Variants in PCDH11X observed in about 807,000 individuals in gnomAD.
The protein encoded by PCDH11X is protocadherin-11 X-linked.
PCDH11X carries 18 observed loss-of-function variants against 53.3 expected under a neutral mutation model. That is an observed-to-expected ratio of 0.34 (90% CI 0.23 to 0.50). The LOEUF is 0.50. Among genes scored for constraint, PCDH11X ranks in the 20% least tolerant of loss-of-function variants. The probability of loss-of-function intolerance (pLI) is 0.98; values close to 1 mark genes in which losing one functional copy is unlikely to be tolerated. For missense variants in PCDH11X, 570 were observed against 1,032.4 expected (o/e 0.55, Z 6.14); for synonymous variants, 279 against 393.3 (o/e 0.71, Z 3.44).
chrX:91,860,051 C>G (rs1177337099), intron 5 of PCDH11X, among the ~76,000 whole-genome samples: 3 of 108,794 alleles, frequency 2.8e-5, no homozygotes, highest in Non-Finnish European at 5.7e-5. Context: ...TTACTTTGGG[C>G]AGTGTGGACA....
In PCDH11X at chrX:92,228,903, C is replaced by A. The variant is rs185890036; in HGVS notation, c.3114+27448C>A. Among the ~76,000 whole-genome samples, 492 of 111,506 alleles carry A rather than the reference C, an allele frequency of 4.4e-3. 4 individuals are homozygous for A. Among genetic ancestry groups the A allele is most frequent in the African/African-American group, 0.015 (473 of 30,791 alleles). The stretch of plus-strand genomic sequence containing the variant: ...TTGTCTTTCCTTATAGACATCACAC[C>A]AAAAACAATTAATCATATTTTCAAG... On this transcript the variant is annotated intron_variant, in intron 7 of 10. Transcript: ENST00000682573.
Position 91,805,375 on chromosome X carries a change from A to G in PCDH11X, c.-378-4091A>G, listed in dbSNP as rs374631045. Among the ~76,000 whole-genome samples the G allele has an allele frequency of 5.4e-5, 6 of 111,883 alleles. No homozygotes were observed. The East Asian group carries it at 1.7e-3, about 32-fold the overall frequency. ...ATATATATTATACATGCATACATGT[A>G]TGTGTATGCGTGTATTTTTAAAATC... On this transcript the variant is annotated intron_variant, in intron 1 of 10. Coordinates refer to ENST00000682573, the MANE Select transcript of PCDH11X (RefSeq NM_032968.5).
chrX:92,131,023 G>A (rs1483901826), intron 6 of PCDH11X, among the ~76,000 whole-genome samples: 12 of 110,357 alleles, frequency 1.1e-4, no homozygotes, highest in African/African-American at 3.9e-4. Context: ...AACTTCCTGT[G>A]AAAATTTCAG....
intron 7 of PCDH11X, among the ~76,000 whole-genome samples, chrX:92,256,025 C>T (rs2067572479): frequency 8.9e-6 from 1 of 112,339 alleles, no homozygotes; most frequent in African/African-American, 3.2e-5. Flanking sequence ...GGGCGCCCCT[C>T]CCCCAGCCTC....
intron 6 of PCDH11X, among the ~76,000 whole-genome samples, chrX:91,937,122 CT>C (rs2061454021): frequency 9.2e-6 from 1 of 109,271 alleles, no homozygotes; most frequent in Non-Finnish European, 1.9e-5. Flanking sequence ...TAGACTCTGA[CT>C]TTTTTCATTC....
chrX:92,041,520 A>C (rs1298777141), intron 6 of PCDH11X, among the ~76,000 whole-genome samples: 1 of 110,775 alleles, frequency 9.0e-6, no homozygotes, highest in Non-Finnish European at 1.9e-5. Context: ...CACATTAAAA[A>C]CGTCAATGTA....
chrX:92,508,629 A>G (rs1164391052), intron 10 of PCDH11X, among the ~76,000 whole-genome samples: 1 of 110,504 alleles, frequency 9.0e-6, no homozygotes, highest in Non-Finnish European at 1.9e-5. Flanking sequence ...TAAACCCATT[A>G]TTATAAATCA....
chrX:92,008,031 AAG>A (rs1171789419), intron 6 of PCDH11X, among the ~76,000 whole-genome samples: 2 of 110,296 alleles, frequency 1.8e-5, no homozygotes, highest in African/African-American at 3.3e-5. Flanking sequence ...ATGAAAGACA[AAG>A]TCCTTCCCAC....
chrX:92,538,024 G>T (rs2074697207), intron 10 of PCDH11X, among the ~76,000 whole-genome samples: 1 of 92,476 alleles, frequency 1.1e-5, no homozygotes, highest in African/African-American at 4.0e-5. Context: ...AATAATATTT[G>T]CTTTATATAT....
In PCDH11X at chrX:91,980,422, G is replaced by A. The variant is rs748679904; in HGVS notation, c.3033+101149G>A. Among the ~76,000 whole-genome samples the A allele has an allele frequency of 2.3e-4, 24 of 105,523 alleles. No individual in the cohort carries two copies. In the East Asian group the frequency reaches 5.4e-3, roughly 24 times the overall value. The allele number at this position is 105,523 out of a possible 115,157, so 91.6% of individuals were successfully genotyped here. On this transcript the variant is annotated intron_variant, in intron 6 of 10. Transcript: ENST00000682573. ...TGTATCTTTTGATGGATATCTTAGG[G>A]AAGTAATTTCAGCAAGTGACAATTT...
At chrX:92,149,741 A>G (rs761807738) in intron 6 of PCDH11X, among the ~76,000 whole-genome samples, 229 of 110,890 alleles carry the variant, frequency 2.1e-3, no homozygotes, top group African/African-American at 7.4e-3. Flanking sequence ...CTTTTGCAAT[A>G]CTTTCCTTCT....
intron 8 of PCDH11X, among the ~76,000 whole-genome samples, chrX:92,301,276 G>A (rs1455951850): frequency 9.3e-6 from 1 of 107,454 alleles, no homozygotes; most frequent in Non-Finnish European, 1.9e-5. Context: ...GGGGACCCAG[G>A]AGAGGTTAGC....
At chrX:92,009,164 G>A (rs1043571428) in intron 6 of PCDH11X, among the ~76,000 whole-genome samples, 2 of 111,821 alleles carry the variant, frequency 1.8e-5, no homozygotes, top group Non-Finnish European at 3.8e-5. Context: ...TATTAAGATT[G>A]GACATTGTTA....
chrX:92,014,235 G>T (rs1038924756), intron 6 of PCDH11X, among the ~76,000 whole-genome samples: 4 of 111,085 alleles, frequency 3.6e-5, no homozygotes, highest in African/African-American at 1.3e-4. Context: ...GATATGAACA[G>T]ACACTTCTCA....
chrX:92,256,332 A>G (rs1043892194), intron 7 of PCDH11X, among the ~76,000 whole-genome samples: 7 of 111,114 alleles, frequency 6.3e-5, no homozygotes, highest in Non-Finnish European at 1.3e-4. Context: ...ACTGACCTGC[A>G]CCCACTGTCT....
At chrX:91,826,268 C>T (rs529869981) in intron 4 of PCDH11X, among the ~76,000 whole-genome samples, 1 of 110,368 alleles carries the variant, frequency 9.1e-6, no homozygotes, top group Non-Finnish European at 1.9e-5. Flanking sequence ...TCATTTATAC[C>T]TTATCTTTGT....
chrX:92,234,237 TAA>T (rs1471411874), intron 7 of PCDH11X, among the ~76,000 whole-genome samples: 1 of 112,068 alleles, frequency 8.9e-6, no homozygotes, highest in Non-Finnish European at 1.9e-5. Flanking sequence ...GTTATAGAAC[TAA>T]AAGTTATCTA....
intron 7 of PCDH11X, among the ~76,000 whole-genome samples, chrX:92,215,598 C>A (rs1267178016): frequency 3.3e-5 from 1 of 30,686 alleles, no homozygotes; most frequent in African/African-American, 8.0e-5. Context: ...GCCTGCCTGC[C>A]TCTGTAGGCT....
intron 6 of PCDH11X, among the ~76,000 whole-genome samples, chrX:92,185,980 T>C (rs1472632467): frequency 9.0e-6 from 1 of 111,387 alleles, no homozygotes; most frequent in African/African-American, 3.3e-5. Context: ...ATAAAACAAC[T>C]ATATGATTCA....
Sources: allele counts gnomAD v4.1 joint callset (sites outside exome capture counted in the v4.1 genomes callset), GRCh38; gene constraint gnomAD v4.1.1; transcripts MANE v1.5; gene names NCBI Gene and HGNC (gene_info 2026-07-23, HGNC 2026-07-21).